CTNNA2: variants seen among roughly 807,000 people sequenced by gnomAD.
CTNNA2 encodes the protein catenin alpha 2, also known as catenin alpha-2.
A neutral mutation model predicts 101.0 loss-of-function variants in CTNNA2; 42 were observed. That is an observed-to-expected ratio of 0.42 (90% confidence interval 0.32 to 0.54). CTNNA2 has a LOEUF of 0.54. CTNNA2 is among the 20% of genes least tolerant of loss of function. CTNNA2 has a pLI of 0.14. For synonymous variants in CTNNA2, 450 were observed against 456.4 expected (o/e 0.99, Z 0.18); for missense variants, 871 against 1,223.1 (o/e 0.71, Z 4.29).
At chr2:80,253,519 C>G (rs1363066612) in intron 7 of CTNNA2, among the ~76,000 whole-genome samples, 1 of 152,114 alleles carries the variant, frequency 6.6e-6, no homozygotes, top group Non-Finnish European at 1.5e-5. Flanking sequence ...CTTGCAGGCC[C>G]TAGGAAGGAT....
chr2:79,513,517 T>C (rs1671644047), intron 1 of CTNNA2, among the ~76,000 whole-genome samples: 1 of 152,068 alleles, frequency 6.6e-6, no homozygotes. Flanking sequence ...TTCTTACCTC[T>C]TCCCCGGTGG....
chr2:79,523,353 G>A, intron 1 of CTNNA2: 1 of 343,752 alleles, frequency 2.9e-6, no homozygotes. Flanking sequence ...TTTCTTAAAT[G>A]GTAACATGAT....
intron 11 of CTNNA2, 89 bp from the exon 12 acceptor site, chr2:80,555,604 G>A (rs1692962245): frequency 1.4e-6 from 1 of 693,752 alleles, no homozygotes; most frequent in Admixed American, 3.0e-5. Flanking sequence ...TGTGTCCAAG[G>A]CAAGGGCTCA....
At chr2:79,228,097 G>A (rs546701665) in intron 2 of CTNNA2, among the ~76,000 whole-genome samples, 7 of 152,170 alleles carry the variant, frequency 4.6e-5, no homozygotes, top group East Asian at 3.9e-4. Flanking sequence ...CTTTTTTATC[G>A]CTGTATTGTA....
chr2:79,207,015 G>A (rs1374854680), intron 2 of CTNNA2, among the ~76,000 whole-genome samples: 1 of 152,138 alleles, frequency 6.6e-6, no homozygotes, highest in Non-Finnish European at 1.5e-5. Flanking sequence ...GGAAGGCCCA[G>A]TGGAGGTTCT....
At chr2:79,583,240 AG>A (rs1229507162) in intron 1 of CTNNA2, among the ~76,000 whole-genome samples, 1 of 151,554 alleles carries the variant, frequency 6.6e-6, no homozygotes, top group Non-Finnish European at 1.5e-5. Context: ...ATATCAACAA[AG>A]GAAGACTTTG....
chr2:79,249,181 A>G (rs1261955559), intron 2 of CTNNA2, among the ~76,000 whole-genome samples: 1 of 139,712 alleles, frequency 7.2e-6, no homozygotes, highest in East Asian at 2.2e-4. Flanking sequence ...GACACAATGC[A>G]TGAAAACTCC....
chr2:80,581,302 T>C (rs1274099060), intron 13 of CTNNA2, among the ~76,000 whole-genome samples: 2 of 152,134 alleles, frequency 1.3e-5, no homozygotes, highest in African/African-American at 2.4e-5. Flanking sequence ...GGTCTAGCCT[T>C]TGGCCTGGAG....
chr2:79,479,602 C>G (rs936144986), intron 4 of CTNNA2, among the ~76,000 whole-genome samples: 1 of 152,084 alleles, frequency 6.6e-6, no homozygotes, highest in Non-Finnish European at 1.5e-5. Context: ...TATAAAACCA[C>G]GTGTTTTAGT....
At chr2:79,774,936 C>T (rs998783126) in intron 3 of CTNNA2, among the ~76,000 whole-genome samples, 7 of 152,108 alleles carry the variant, frequency 4.6e-5, no homozygotes, top group South Asian at 2.1e-4. Flanking sequence ...TTGCAGATTG[C>T]GTCAGTAACA....
At chr2:79,194,198 A>G (rs900362987) in intron 1 of CTNNA2, among the ~76,000 whole-genome samples, 3 of 152,142 alleles carry the variant, frequency 2.0e-5, no homozygotes, top group Non-Finnish European at 4.4e-5. Context: ...CACAGCTGTA[A>G]GAATACTGAG....
At chr2:80,243,990 A>C (rs942357013) in intron 7 of CTNNA2, among the ~76,000 whole-genome samples, 6 of 152,224 alleles carry the variant, frequency 3.9e-5, no homozygotes, top group African/African-American at 1.4e-4. Context: ...GGCCATCTGC[A>C]TCAAACGTGG....
chr2:79,304,066 G>A (rs1017448300), intron 2 of CTNNA2, among the ~76,000 whole-genome samples: 1 of 152,180 alleles, frequency 6.6e-6, no homozygotes, highest in Admixed American at 6.5e-5. Flanking sequence ...GGGTGTGGGG[G>A]CCAGTGGGGC....
At chr2:80,628,070 C>A (rs147054312) in intron 18 of CTNNA2, among the ~76,000 whole-genome samples, 48 of 152,140 alleles carry the variant, frequency 3.2e-4, no homozygotes, top group African/African-American at 9.6e-4. Context: ...TATAAAGGAC[C>A]TCTTCAAGGA....
chr2:79,641,704 G>T (rs1680460111), intron 1 of CTNNA2, among the ~76,000 whole-genome samples: 1 of 152,132 alleles, frequency 6.6e-6, no homozygotes, highest in Non-Finnish European at 1.5e-5. Flanking sequence ...CATAATTTAG[G>T]AGTAGACTGA....
intron 9 of CTNNA2, among the ~76,000 whole-genome samples, chr2:80,438,168 C>T (rs1186774482): frequency 2.0e-5 from 3 of 152,314 alleles, no homozygotes; most frequent in South Asian, 4.1e-4. Context: ...CATCTCACGG[C>T]GCCCTCGCAT....
At chr2:79,324,724 A>T (rs980307203) in intron 3 of CTNNA2, among the ~76,000 whole-genome samples, 3 of 146,068 alleles carry the variant, frequency 2.1e-5, no homozygotes, top group Admixed American at 1.4e-4. Flanking sequence ...ACACACACCC[A>T]CTACACACTA....
intron 7 of CTNNA2, among the ~76,000 whole-genome samples, chr2:80,005,150 G>A (rs1035005329): frequency 2.6e-5 from 4 of 152,198 alleles, no homozygotes; most frequent in Admixed American, 1.3e-4. Context: ...TGGATTGCAG[G>A]AAATCTTGAG....
chr2:79,694,382 A>G (rs1684517255), intron 2 of CTNNA2, among the ~76,000 whole-genome samples: 1 of 152,028 alleles, frequency 6.6e-6, no homozygotes, highest in Admixed American at 6.6e-5. Context: ...TTGCAATAAT[A>G]TCTCCAGCTC....
Sources: gnomAD v4.1 joint callset for allele counts (sites outside exome capture counted in the v4.1 genomes callset) on GRCh38, gnomAD v4.1.1 for gene constraint, MANE v1.5 for transcripts, NCBI Gene and HGNC (gene_info 2026-07-23, HGNC 2026-07-21) for gene names.